The following CENPN variants were observed in gnomAD, a reference collection of about 807,000 sequenced individuals.
CENPN encodes the protein centromere protein N.
CENPN carries 36 observed loss-of-function variants against 48.6 expected under a neutral mutation model. That is an observed-to-expected ratio of 0.74 (90% CI 0.57 to 0.98). The LOEUF (loss-of-function observed/expected upper bound fraction) is 0.98, where lower values mean the gene tolerates loss of function less well. CENPN is among the 50% of genes least tolerant of loss of function. The probability of loss-of-function intolerance (pLI) is 0.00; values close to 1 mark genes in which losing one functional copy is unlikely to be tolerated. For missense variants in CENPN, 439 were observed against 399.2 expected, an observed-to-expected ratio of 1.10 and a Z score of -0.85; for synonymous variants, 166 against 135.2, an observed-to-expected ratio of 1.23 and a Z score of -1.58.
At position 81,028,651 on chromosome 16, in the gene CENPN, A is replaced by G; in HGVS notation, c.1020A>G (p.Ter340=). 1 of 1,610,512 alleles carries G rather than the reference A, an allele frequency of 6.2e-7. No homozygotes were observed. Among genetic ancestry groups the G allele is most frequent in the South Asian group, 1.1e-5 (1 of 89,940 alleles). ...RMNYFKIRDK[*] is the part of the protein sequence containing the mutation. Reference sequence around the variant, plus strand: ...ATTATTTTAAAATTAGAGATAAATAAGACGTGCGTGGTTTCTTAAGCACAG... The same window carrying G: ...ATTATTTTAAAATTAGAGATAAATAGGACGTGCGTGGTTTCTTAAGCACAG... The change falls in exon 11 of 11, where the codon TAA becomes TAG. Residue 340 remains the stop codon, a stop_retained_variant. Transcript: ENST00000305850.
intron 8 of CENPN, among the ~76,000 whole-genome samples, chr16:81,025,084 C>A (rs1451273042): frequency 6.6e-6 from 1 of 152,188 alleles, no homozygotes; most frequent in Non-Finnish European, 1.5e-5. Context: ...TTTCCTTAAT[C>A]TTCACAGTAG....
At position 81,028,541 on chromosome 16, in the gene CENPN, T is replaced by C. The variant is rs1415758597; in HGVS notation, c.938-28T>C. 5 of 1,514,816 alleles carry C rather than the reference T, an allele frequency of 3.3e-6. No homozygotes were observed. In the Admixed American group the frequency reaches 6.5e-5, roughly 20 times the overall value. The allele number at this position is 1,514,816 out of a possible 1,614,324, so 93.8% of individuals were successfully genotyped here. A position where few individuals can be genotyped will look rare whatever the true frequency, so the allele number is the denominator to read the frequency against. On this transcript the variant is annotated intron_variant, in intron 10 of 10. Coordinates refer to ENST00000305850, the MANE Select transcript of CENPN (RefSeq NM_001100624.3). ...TCCTGTGATGACTTTTAATTTTCTT[T>C]TTCCCTTTTTTTTTTTTTTAATTTC...
At chr16:81,014,347 AC>A (rs1287464157) in intron 3 of CENPN, 166 bp downstream of exon 3, 7 of 611,602 alleles carry the variant, frequency 1.1e-5, no homozygotes, top group Non-Finnish European at 2.1e-5. Flanking sequence ...TGATTCTCCA[AC>A]CTCAGCCTCC....
At chr16:81,010,558 AAG>A (rs1597304855) in intron 1 of CENPN, among the ~76,000 whole-genome samples, 1 of 152,186 alleles carries the variant, frequency 6.6e-6, no homozygotes, top group African/African-American at 2.4e-5. Flanking sequence ...TTAAAGGACT[AAG>A]AGACAGCAAT....
chr16:81,032,761 G>A, downstream of CENPN: 1 of 1,477,504 alleles, frequency 6.8e-7, no homozygotes, highest in Middle Eastern at 1.8e-4. Flanking sequence ...CTGATATACA[G>A]CTAACTGCTA....
chr16:81,008,525 C>T (rs1361618927), intron 1 of CENPN, among the ~76,000 whole-genome samples: 1 of 152,074 alleles, frequency 6.6e-6, no homozygotes, highest in East Asian at 1.9e-4. Context: ...GTGTGCGTCA[C>T]GACACCCGGC....
At chr16:81,008,734 C>T (rs1018756315) in intron 1 of CENPN, among the ~76,000 whole-genome samples, 1 of 152,188 alleles carries the variant, frequency 6.6e-6, no homozygotes, top group African/African-American at 2.4e-5. Context: ...GCATTCATTC[C>T]ACAAGTATTT....
At chr16:81,014,252 T>A in intron 3 of CENPN, 71 bp downstream of exon 3, 1 of 1,305,732 alleles carries the variant, frequency 7.7e-7, no homozygotes, top group Non-Finnish European at 1.1e-6. Flanking sequence ...TCTTTCTTTG[T>A]GAGACAGGGT....
chr16:81,014,153 C>T lies in CENPN; in HGVS notation c.189C>T (p.Ile63=). The T allele has an allele frequency of 6.2e-7, 1 of 1,613,460 alleles. No individual in the cohort carries two copies. Residue 63 remains isoleucine, a synonymous_variant, in exon 3 of 11, where the codon ATC becomes ATT. Transcript: ENST00000305850. ...TCTTTTAGGAAAAGCGTGCAAGTATCAGTGATGCTGCCCTGTTAGACATCA... is the reference window on the plus strand; with the variant it reads ...TCTTTTAGGAAAAGCGTGCAAGTATTAGTGATGCTGCCCTGTTAGACATCA... ...IHLCEEKRAS[I]SDAALLDIIY...
Position 81,030,404 on chromosome 16 carries a change from AG to A in CENPN, c.*1758del, listed in dbSNP as rs1258698848. ...ACTTCTGATACCAGATATGTGGGGG[AG>A]GGGGTTTCCCCCACACATTAAGCAA... On this transcript the variant is annotated 3_prime_UTR_variant, in exon 11 of 11. Transcript: ENST00000305850. 4.1e-5 allele frequency: 40 copies of A among 984,812 alleles called. No individual in the cohort carries two copies. The highest frequency in any genetic ancestry group is 4.6e-5 in the Non-Finnish European group (38 of 829,682). The allele number at this position is 984,812 out of a possible 1,614,324, so 61.0% of individuals were successfully genotyped here. A position where few individuals can be genotyped will look rare whatever the true frequency, so the allele number is the denominator to read the frequency against.
chr16:81,008,831 A>T (rs1969618395), intron 1 of CENPN, among the ~76,000 whole-genome samples: 1 of 152,248 alleles, frequency 6.6e-6, no homozygotes, highest in Non-Finnish European at 1.5e-5. Context: ...AGCTGTGAAT[A>T]AAAACATCGT....
chr16:81,019,902 A>AT (rs35505203), intron 5 of CENPN, among the ~76,000 whole-genome samples, 198 bp from the exon 6 acceptor site: 50 of 145,626 alleles, frequency 3.4e-4, no homozygotes, highest in Non-Finnish European at 4.4e-4. Flanking sequence ...ACTGAAAAGG[A>AT]TTTTTTTTTT....
chr16:81,019,830 T>A (rs1326801277), intron 5 of CENPN, among the ~76,000 whole-genome samples: 1 of 149,248 alleles, frequency 6.7e-6, no homozygotes, highest in Non-Finnish European at 1.5e-5. Flanking sequence ...CAGGCTATGA[T>A]CATGCCACAG....
chr16:81,026,133 A>G (rs1468647436), intron 8 of CENPN, among the ~76,000 whole-genome samples: 10 of 54,958 alleles, frequency 1.8e-4, no homozygotes, highest in East Asian at 1.1e-3. Context: ...ATATGTGTGT[A>G]TATATATATG....
rs1313942710 is a variant in CENPN, at chr16:81,028,583, C to G, written c.952C>G (p.Pro318Ala). The G allele has an allele frequency of 6.2e-7, 1 of 1,604,124 alleles. No individual in the cohort carries two copies. Among genetic ancestry groups the G allele is most frequent in the Admixed American group, 1.7e-5 (1 of 58,372 alleles). ...SLAPAGIADAPLSPLLTCIPN... is the reference protein window; with the variant it reads ...SLAPAGIADAALSPLLTCIPN... ...TTTAATTTCAGGTATTGCAGATGCT[C>G]CACTTTCTCCACTGCTCACTTGCAT... The change falls in exon 11 of 11, where the codon CCA becomes GCA. Residue 318 changes from proline (P) to alanine (A), a missense_variant. Physicochemically the swap from Pro to Ala is conservative, Grantham distance 27. Transcript: ENST00000305850.
At chr16:81,008,912 A>G (rs1024250528) in intron 1 of CENPN, among the ~76,000 whole-genome samples, 1 of 152,242 alleles carries the variant, frequency 6.6e-6, no homozygotes, top group African/African-American at 2.4e-5. Context: ...TGTAAAGACA[A>G]TTAGCAGTGG....
chr16:81,026,150 T>TAC (rs1486613256), intron 8 of CENPN, among the ~76,000 whole-genome samples: 6 of 143,012 alleles, frequency 4.2e-5, no homozygotes, highest in Admixed American at 7.1e-5. Context: ...TATGTATATA[T>TAC]ATATGTGTAT....
chr16:81,023,107 C>T, intron 7 of CENPN: 1 of 380,828 alleles, frequency 2.6e-6, no homozygotes, highest in South Asian at 2.6e-5. Flanking sequence ...AAGGGAAAAG[C>T]AGTGGTTTTT....
intron 1 of CENPN, among the ~76,000 whole-genome samples, chr16:81,008,452 A>G (rs1219265342): frequency 1.3e-5 from 2 of 151,258 alleles, no homozygotes; most frequent in African/African-American, 2.4e-5. Context: ...GCTCACTGCA[A>G]CCTCCTCCTC....
Sources: gnomAD v4.1 joint callset for allele counts (sites outside exome capture counted in the v4.1 genomes callset) on GRCh38, gnomAD v4.1.1 for gene constraint, MANE v1.5 for transcripts, NCBI Gene and HGNC (gene_info 2026-07-23, HGNC 2026-07-21) for gene names.